Variants in A2ML1 observed in about 807,000 individuals in gnomAD.
The protein encoded by A2ML1 is alpha-2-macroglobulin like 1.
Under a neutral mutation model 181.9 loss-of-function variants are expected in A2ML1, and 161 were observed. The ratio of observed to expected loss-of-function variants is 0.89; its 90% confidence interval spans 0.78 to 1.01. A2ML1 has a LOEUF of 1.01. A2ML1 is among the 50% of genes least tolerant of loss of function. A2ML1 has a pLI of 0.00. For missense variants in A2ML1, 1,670 were observed against 1,768.1 expected, an observed-to-expected ratio of 0.94 and a Z score of 1.00; for synonymous variants, 663 against 666.8, an observed-to-expected ratio of 0.99 and a Z score of 0.09.
intron 5 of A2ML1, 125 bp downstream of exon 5, chr12:8,834,807 C>A: frequency 8.5e-7 from 1 of 1,178,888 alleles, no homozygotes; most frequent in Non-Finnish European, 1.2e-6. Context: ...CTCTGCCCAG[C>A]ACCGAGCGCC....
chr12:8,846,353 T>C (rs1943687146), intron 14 of A2ML1, 131 bp downstream of exon 14: 2 of 1,052,538 alleles, frequency 1.9e-6, no homozygotes, highest in Admixed American at 4.8e-5. Context: ...ATTATATTTA[T>C]ATCTTTAGTG....
chr12:8,870,883 TGA>T (rs1211893234), intron 33 of A2ML1, among the ~76,000 whole-genome samples: 2 of 152,200 alleles, frequency 1.3e-5, no homozygotes, highest in African/African-American at 4.8e-5. Flanking sequence ...GCTTCTAATT[TGA>T]GTTAACAGGC....
chr12:8,826,445 C>G (rs920531319), intron 3 of A2ML1, among the ~76,000 whole-genome samples: 2 of 151,756 alleles, frequency 1.3e-5, no homozygotes, highest in African/African-American at 4.8e-5. Flanking sequence ...AGAAATGTTA[C>G]TGAATTTTTT....
At chr12:8,883,920 A>G (rs758935139) in intron 7 of A2ML1, among the ~76,000 whole-genome samples, 1,527 of 151,152 alleles carry the variant, frequency 0.01, 27 homozygotes, top group African/African-American at 0.036. Flanking sequence ...CCAGTAGCTG[A>G]GACTACAGGC....
intron 14 of A2ML1, among the ~76,000 whole-genome samples, chr12:8,846,860 C>T (rs1355806172): frequency 6.6e-6 from 1 of 151,818 alleles, no homozygotes; most frequent in Admixed American, 6.6e-5. Context: ...ACCTGTAGTC[C>T]CAGCTAGTCG....
At chr12:8,861,319 T>C in intron 28 of A2ML1, 22 bp downstream of exon 28, 2 of 1,612,184 alleles carry the variant, frequency 1.2e-6, no homozygotes, top group East Asian at 2.2e-5. Flanking sequence ...CTGTTGAGAG[T>C]TCTTTGAAAT....
At chr12:8,844,714 T>C (rs1420735941) in intron 12 of A2ML1, among the ~76,000 whole-genome samples, 1 of 150,538 alleles carries the variant, frequency 6.6e-6, no homozygotes, top group Non-Finnish European at 1.5e-5. Flanking sequence ...AAAAAAAAAA[T>C]CATCCTAATA....
intron 33 of A2ML1, among the ~76,000 whole-genome samples, chr12:8,869,675 C>T (rs918300522): frequency 6.6e-6 from 1 of 151,838 alleles, no homozygotes; most frequent in African/African-American, 2.4e-5. Context: ...TGCTCAATAG[C>T]CACAAGTGAC....
In A2ML1 at chr12:8,843,169, G is replaced by A. The variant is rs753945399; in HGVS notation, c.1284G>A (p.Pro428=). ...KFQMEDLVYN[P]EQVPRYYQNA... is the part of the protein sequence containing the mutation. ...AAATGGAAGACTTAGTATATAATCC[G>A]GAACAAGTGCCACGTTACTACCAAA... The change falls in exon 12 of 36, where the codon CCG becomes CCA. Residue 428 remains proline (P), a synonymous_variant. Transcript: ENST00000299698. 2.9e-5 allele frequency: 46 copies of A among 1,613,994 alleles called. No individual in the cohort carries two copies. The highest frequency in any genetic ancestry group is 9.3e-5 in the African/African-American group (7 of 74,886).
intron 12 of A2ML1, among the ~76,000 whole-genome samples, chr12:8,844,162 T>C (rs1338068211): frequency 2.0e-5 from 3 of 151,378 alleles, no homozygotes; most frequent in Admixed American, 1.3e-4. Flanking sequence ...AGGAATTACC[T>C]GAGAAAATAG....
intron 33 of A2ML1, among the ~76,000 whole-genome samples, chr12:8,872,270 T>C (rs959816488): frequency 2.0e-5 from 3 of 151,982 alleles, no homozygotes; most frequent in African/African-American, 7.2e-5. Flanking sequence ...GACCAAATGA[T>C]AGAAAAGAAC....
chr12:8,848,490 A>AG (rs1265646739), intron 15 of A2ML1, among the ~76,000 whole-genome samples: 1 of 152,132 alleles, frequency 6.6e-6, no homozygotes, highest in Non-Finnish European at 1.5e-5. Flanking sequence ...CAAAAAAAAA[A>AG]CAAGAAAGAG....
intron 3 of A2ML1, among the ~76,000 whole-genome samples, chr12:8,827,719 C>G (rs983745194): frequency 1.3e-5 from 2 of 152,102 alleles, no homozygotes; most frequent in African/African-American, 4.8e-5. Context: ...GCATTCTGGA[C>G]TTGTTTGTAC....
rs1358141756 is a variant in A2ML1 at position 8,858,051 on chromosome 12, C to T, written c.3213C>T (p.Leu1071=). ...TCAAGTGGATGGCAGGAAACCAGCT[C>T]CCCAGTGGCTGCTATGCCAACGTGG... The part of the protein sequence containing the change: ...DALKWMAGNQ[L]PSGCYANVGN... The change falls in exon 26 of 36, where the codon CTC becomes CTT. Residue 1071 remains leucine (L), a synonymous_variant. Coordinates refer to ENST00000299698, the MANE Select transcript of A2ML1 (RefSeq NM_144670.6). 1.9e-6 allele frequency: 3 copies of T among 1,614,034 alleles called. No homozygotes were observed. The African/African-American group carries it at 4.0e-5, about 22-fold the overall frequency.
chr12:8,855,437 TA>T (rs1944029981), intron 22 of A2ML1, 71 bp from the exon 23 acceptor site: 2 of 1,434,658 alleles, frequency 1.4e-6, no homozygotes, highest in African/African-American at 1.4e-5. Context: ...AAAGTTCTTC[TA>T]AAATTTTGTC....
rs772183903 is a variant in A2ML1 at position 8,823,165 on chromosome 12, T to G, written c.63-17T>G. 2 of 1,610,890 alleles carry G rather than the reference T, an allele frequency of 1.2e-6. No individual in the cohort carries two copies. Among genetic ancestry groups the G allele is most frequent in the Non-Finnish European group, 1.7e-6 (2 of 1,178,556 alleles). ...ATGAATCATTATTGCCCTGAAATCC[T>G]TCTGCTCCTTTAATAGAAACTACCT... On this transcript the variant is annotated splice_polypyrimidine_tract_variant and intron_variant, in intron 1 of 35. Transcript: ENST00000299698.
In A2ML1 at chr12:8,838,312, C is replaced by T. The variant is rs779735317; in HGVS notation, c.856-24C>T. Reference sequence around the variant, plus strand: ...ATTAGATTCCTCATCTGCTCTCTATCTCTGTCTCTGATCACCTCACTAGAC... The same window carrying T: ...ATTAGATTCCTCATCTGCTCTCTATTTCTGTCTCTGATCACCTCACTAGAC... On this transcript the variant is annotated intron_variant, in intron 8 of 35. Transcript: ENST00000299698. 5 of 1,543,988 alleles carry T rather than the reference C, an allele frequency of 3.2e-6. No homozygotes were observed. The South Asian group carries it at 5.7e-5, about 18-fold the overall frequency.
At chr12:8,835,326 T>G (rs73037001) in intron 5 of A2ML1, among the ~76,000 whole-genome samples, 181 bp from the exon 6 acceptor site, 1 of 152,168 alleles carries the variant, frequency 6.6e-6, no homozygotes, top group Non-Finnish European at 1.5e-5. Flanking sequence ...AATATTTACC[T>G]CATTCCGCCA....
At position 8,823,769 on chromosome 12, in the gene A2ML1, C is replaced by G; in HGVS notation, c.296C>G (p.Ser99Trp). 8 of 1,613,972 alleles carry G rather than the reference C, an allele frequency of 5.0e-6. No individual in the cohort carries two copies. Among genetic ancestry groups the G allele is most frequent in the Non-Finnish European group, 6.8e-6 (8 of 1,180,002 alleles). Residue 99 changes from serine to tryptophan, a missense_variant, in exon 3 of 36, where the codon TCG (serine) becomes TGG (tryptophan). Coordinates refer to ENST00000299698, the MANE Select transcript of A2ML1 (RefSeq NM_144670.6). ...GTEEVATIRV[S>W]GVGNNISFEE... ...GAAGAAGTGGCCACAATCCGGGTGT[C>G]GGGAGTTGGAAATAACATCAGCTTT...
Sources: gnomAD v4.1 joint callset for allele counts (sites outside exome capture counted in the v4.1 genomes callset) on GRCh38, gnomAD v4.1.1 for gene constraint, MANE v1.5 for transcripts, NCBI Gene and HGNC (gene_info 2026-07-23, HGNC 2026-07-21) for gene names.